The following LRRC37A2 variants were observed in gnomAD, a reference collection of about 807,000 sequenced individuals.
The protein encoded by LRRC37A2 is leucine rich repeat containing 37 member A2.
LRRC37A2 carries 9 observed loss-of-function variants against 68.8 expected under a neutral mutation model. That is an observed-to-expected ratio of 0.13 (90% CI 0.08 to 0.23). The LOEUF is 0.23. Ranked by LOEUF, LRRC37A2 falls within the 10% of genes least tolerant of loss-of-function variation. The probability of loss-of-function intolerance (pLI) is 1.00; values close to 1 mark genes in which losing one functional copy is unlikely to be tolerated. For synonymous variants in LRRC37A2, 63 were observed against 367.6 expected (o/e 0.17, Z 9.48); for missense variants, 168 against 950.4 (o/e 0.18, Z 10.82).
the LRRC37A2 span, among the ~76,000 whole-genome samples, chr17:46,884,848 G>A: frequency 6.6e-6 from 1 of 152,148 alleles, no homozygotes; most frequent in Non-Finnish European, 1.5e-5. Context: ...AGAGGCCGTG[G>A]AGCTGGGGAG....
At chr17:46,840,345 C>CA in the LRRC37A2 span, among the ~76,000 whole-genome samples, 1 of 152,190 alleles carries the variant, frequency 6.6e-6, no homozygotes, top group African/African-American at 2.4e-5. Flanking sequence ...CTCGGCCTCC[C>CA]AAAGTGCTGG....
At chr17:46,775,118 T>G in the LRRC37A2 span, among the ~76,000 whole-genome samples, 1 of 152,256 alleles carries the variant, frequency 6.6e-6, no homozygotes, top group Non-Finnish European at 1.5e-5. Context: ...GCTTCTGGGC[T>G]GGACACAGGG....
At chr17:46,496,613 A>G in the LRRC37A2 span, among the ~76,000 whole-genome samples, 25 of 85,438 alleles carry the variant, frequency 2.9e-4, no homozygotes, top group East Asian at 4.5e-3. Flanking sequence ...AAAAGAAAAA[A>G]AAAAAAACAA....
the LRRC37A2 span, among the ~76,000 whole-genome samples, chr17:46,928,817 C>T: frequency 6.6e-6 from 1 of 152,086 alleles, no homozygotes; most frequent in East Asian, 1.9e-4. Flanking sequence ...ATATCATTTT[C>T]TTCTATCTTC....
the LRRC37A2 span, among the ~76,000 whole-genome samples, chr17:46,948,051 G>A: frequency 3.9e-5 from 6 of 151,916 alleles, no homozygotes; most frequent in East Asian, 4.0e-4. Context: ...GATTACAGAC[G>A]TGAGCCACCG....
the LRRC37A2 span, among the ~76,000 whole-genome samples, chr17:46,852,146 C>T: frequency 6.6e-6 from 1 of 152,376 alleles, no homozygotes; most frequent in East Asian, 1.9e-4. Flanking sequence ...GGACTCCTTC[C>T]CCACCCTCCG....
chr17:46,495,538 C>T, the LRRC37A2 span, among the ~76,000 whole-genome samples: 2 of 147,122 alleles, frequency 1.4e-5, no homozygotes, highest in African/African-American at 2.6e-5. Flanking sequence ...GCACCCACCA[C>T]CACGCCCAGC....
chr17:46,713,587 A>G, the LRRC37A2 span, among the ~76,000 whole-genome samples: 1 of 152,182 alleles, frequency 6.6e-6, no homozygotes, highest in Admixed American at 6.5e-5. Context: ...CACTCTGTAT[A>G]TTTTGCCAAA....
chr17:46,841,674 G>A, the LRRC37A2 span, among the ~76,000 whole-genome samples: 1 of 152,208 alleles, frequency 6.6e-6, no homozygotes, highest in East Asian at 1.9e-4. Flanking sequence ...GGCTGGCCGG[G>A]AGCAGGACCG....
At chr17:46,687,405 C>A in the LRRC37A2 span, among the ~76,000 whole-genome samples, 89 of 151,324 alleles carry the variant, frequency 5.9e-4, no homozygotes, top group Admixed American at 2.8e-3. Context: ...AACAAACAAA[C>A]AAAAAAAATT....
At chr17:46,545,745 G>A (rs1349344537) in intron 8 of LRRC37A2, among the ~76,000 whole-genome samples, 2 of 139,216 alleles carry the variant, frequency 1.4e-5, no homozygotes, top group East Asian at 4.1e-4. Context: ...GTAACTTATT[G>A]TTGTTATTCT....
the LRRC37A2 span, among the ~76,000 whole-genome samples, chr17:46,865,197 G>A: frequency 6.6e-6 from 1 of 152,178 alleles, no homozygotes; most frequent in Non-Finnish European, 1.5e-5. Context: ...CTTCACAGAT[G>A]TTGAACTAGC....
At chr17:46,727,707 A>C in the LRRC37A2 span, among the ~76,000 whole-genome samples, 1 of 152,140 alleles carries the variant, frequency 6.6e-6, no homozygotes, top group Admixed American at 6.5e-5. Flanking sequence ...AAAAGCTTTT[A>C]GGCACAAACT....
At chr17:46,998,394 G>A in the LRRC37A2 span, among the ~76,000 whole-genome samples, 1 of 152,192 alleles carries the variant, frequency 6.6e-6, no homozygotes, top group East Asian at 1.9e-4. Context: ...CCCAAGGGGC[G>A]TGTTTAACTC....
the LRRC37A2 span, chr17:46,949,241 C>G: frequency 3.3e-5 from 5 of 152,188 alleles, no homozygotes; most frequent in Admixed American, 6.5e-5. Context: ...TGTCGCTGGG[C>G]ACACAATGTC....
chr17:46,939,849 A>G, the LRRC37A2 span: 33 of 990,500 alleles, frequency 3.3e-5, no homozygotes, highest in East Asian at 2.1e-3. Context: ...ATAAAGGCCA[A>G]TCTGTCCTGA....
chr17:46,771,809 A>C, the LRRC37A2 span, among the ~76,000 whole-genome samples: 1 of 141,294 alleles, frequency 7.1e-6, no homozygotes, highest in Non-Finnish European at 1.6e-5. Context: ...GGGCGTGTGA[A>C]TGGCGCGGCG....
chr17:47,048,334 A>G, the LRRC37A2 span, among the ~76,000 whole-genome samples: 1 of 151,834 alleles, frequency 6.6e-6, no homozygotes, highest in Non-Finnish European at 1.5e-5. Flanking sequence ...ACCTTCATGC[A>G]GTCAGAAGCT....
intron 6 of LRRC37A2, among the ~76,000 whole-genome samples, chr17:46,539,770 A>AAAAAAAAAG (rs2054957578): frequency 1.5e-5 from 1 of 65,190 alleles, no homozygotes; most frequent in Admixed American, 1.6e-4. Flanking sequence ...CTCCATCTCA[A>AAAAAAAAAG]AAAAAAAAAA....
Sources: gnomAD v4.1 joint callset for allele counts (sites outside exome capture counted in the v4.1 genomes callset) on GRCh38, gnomAD v4.1.1 for gene constraint, MANE v1.5 for transcripts, NCBI Gene and HGNC (gene_info 2026-07-23, HGNC 2026-07-21) for gene names.